The following NFATC1 variants were observed in gnomAD, a reference collection of about 807,000 sequenced individuals.
NFATC1 encodes the protein nuclear factor of activated T-cells, cytoplasmic 1.
NFATC1 carries 22 observed loss-of-function variants against 76.0 expected under a neutral mutation model. That is an observed-to-expected ratio of 0.29 (90% CI 0.21 to 0.41). The LOEUF (loss-of-function observed/expected upper bound fraction) is 0.41. Ranked by LOEUF, NFATC1 falls within the 10% of genes least tolerant of loss-of-function variation. The probability of loss-of-function intolerance (pLI) is 1.00; values close to 1 mark genes in which losing one functional copy is unlikely to be tolerated. For synonymous variants in NFATC1, 704 were observed against 613.1 expected (o/e 1.15, Z -2.19); for missense variants, 1,357 against 1,337.7 (o/e 1.01, Z -0.23).
At chr18:79,512,586 G>A (rs1397087921) in intron 9 of NFATC1, among the ~76,000 whole-genome samples, 2 of 152,208 alleles carry the variant, frequency 1.3e-5, no homozygotes, top group East Asian at 1.9e-4. Flanking sequence ...GCCTGCAGTC[G>A]GCGGGCCCCT....
intron 7 of NFATC1, among the ~76,000 whole-genome samples, chr18:79,466,349 C>T (rs1266627967): frequency 6.6e-6 from 1 of 152,198 alleles, no homozygotes; most frequent in African/African-American, 2.4e-5. Context: ...AAAAATGAAA[C>T]TTTATAGATG....
At chr18:79,520,705 A>ATATGTGTGTC (rs1569052743) in intron 9 of NFATC1, among the ~76,000 whole-genome samples, 1 of 7,216 alleles carries the variant, frequency 1.4e-4, no homozygotes, top group East Asian at 3.8e-3. Context: ...ATCCACTGAT[A>ATATGTGTGTC]TGTGTGTGTG....
intron 8 of NFATC1, among the ~76,000 whole-genome samples, chr18:79,476,264 T>A (rs1388022360): frequency 6.6e-6 from 1 of 152,230 alleles, no homozygotes; most frequent in Non-Finnish European, 1.5e-5. Flanking sequence ...GCGTCGGCCA[T>A]GCTGCTGCCC....
At chr18:79,441,950 C>G (rs2086993231) in intron 3 of NFATC1, among the ~76,000 whole-genome samples, 1 of 152,186 alleles carries the variant, frequency 6.6e-6, no homozygotes, top group Admixed American at 6.5e-5. Context: ...GTGGCCGTCT[C>G]TTCTCTGGGC....
At chr18:79,480,974 C>T (rs2089252052) in intron 8 of NFATC1, among the ~76,000 whole-genome samples, 1 of 152,240 alleles carries the variant, frequency 6.6e-6, no homozygotes, top group African/African-American at 2.4e-5. Flanking sequence ...AATTACCAGC[C>T]TAATTTAGAA....
intron 2 of NFATC1, chr18:79,422,603 C>CAT (rs1555902070): frequency 6.6e-6 from 1 of 152,378 alleles, no homozygotes; most frequent in African/African-American, 2.4e-5. Flanking sequence ...GGGTGTACGG[C>CAT]ATGGGGCCTG....
intron 9 of NFATC1, among the ~76,000 whole-genome samples, chr18:79,520,821 G>GT (rs1569053043): frequency 1.8e-4 from 8 of 43,810 alleles, no homozygotes; most frequent in East Asian, 7.8e-4. Context: ...GTCTGTGTGT[G>GT]GGGGGGGGCA....
intron 9 of NFATC1, among the ~76,000 whole-genome samples, chr18:79,512,810 CTGAGGGCG>C (rs2090289360): frequency 1.3e-5 from 2 of 152,238 alleles, no homozygotes; most frequent in Non-Finnish European, 2.9e-5. Context: ...CAGGGAGGTC[CTGAGGGCG>C]CCTTCTCCAC....
Position 79,452,598 on chromosome 18 carries a change from A to T in NFATC1, c.1903+782A>T, listed in dbSNP as rs564081979. On this transcript the variant is annotated intron_variant, in intron 6 of 9. Coordinates refer to ENST00000427363, the MANE Select transcript of NFATC1 (RefSeq NM_001278669.2). Reference sequence around the variant, plus strand: ...GGGTGGCCTCGCCGGCTCCGAGCAGAGTGTGTGAAGACAGTGGGCTGCACT... The same window carrying T: ...GGGTGGCCTCGCCGGCTCCGAGCAGTGTGTGTGAAGACAGTGGGCTGCACT... 7.2e-5 allele frequency among the ~76,000 whole-genome samples: 11 copies of T among 152,238 alleles called. No individual in the cohort carries two copies. In the South Asian group the frequency reaches 2.3e-3, roughly 32 times the overall value.
intron 9 of NFATC1, among the ~76,000 whole-genome samples, chr18:79,488,263 T>A (rs1235875251): frequency 7.8e-6 from 1 of 127,948 alleles, no homozygotes; most frequent in East Asian, 1.9e-4. Flanking sequence ...TGTGTGTGTT[T>A]GCGGTAGTGT....
At chr18:79,458,979 C>T (rs1242355212) in intron 6 of NFATC1, among the ~76,000 whole-genome samples, 1 of 152,236 alleles carries the variant, frequency 6.6e-6, no homozygotes, top group Non-Finnish European at 1.5e-5. Context: ...AGCCTGCCCT[C>T]ACCCTCACCC....
Position 79,396,257 on chromosome 18 carries a change from G to A in NFATC1, c.33G>A (p.Lys11=). ...GCACCAGCTTTCCAGTCCCTTCCAA[G>A]TTTCCACTTGGCCCTGCGGCTGCGG... MPSTSFPVPS[K]FPLGPAAAVF... is the part of the protein sequence containing the mutation. Residue 11 remains lysine (K), a synonymous_variant, in exon 1 of 10, where the codon AAG becomes AAA. Coordinates refer to ENST00000427363, the MANE Select transcript of NFATC1 (RefSeq NM_001278669.2). The A allele has an allele frequency of 2.7e-6, 4 of 1,492,894 alleles. No individual in the cohort carries two copies. The highest frequency in any genetic ancestry group is 3.6e-6 in the Non-Finnish European group (4 of 1,113,894). 92.5% of individuals were successfully genotyped at this position (1,492,894 alleles called of 1,614,324 possible).
At chr18:79,489,951 C>G (rs1264856304) in intron 9 of NFATC1, among the ~76,000 whole-genome samples, 2 of 152,244 alleles carry the variant, frequency 1.3e-5, no homozygotes, top group African/African-American at 4.8e-5. Context: ...AGACACCTCC[C>G]TATGACATGG....
chr18:79,502,442 A>G (rs1273397044), intron 9 of NFATC1, among the ~76,000 whole-genome samples: 1 of 152,258 alleles, frequency 6.6e-6, no homozygotes, highest in Non-Finnish European at 1.5e-5. Flanking sequence ...TATGACATCA[A>G]AAGCACAGCT....
At chr18:79,490,957 C>G (rs774158588) in intron 9 of NFATC1, among the ~76,000 whole-genome samples, 1 of 152,024 alleles carries the variant, frequency 6.6e-6, no homozygotes, top group Non-Finnish European at 1.5e-5. Context: ...TAAGGTGGAA[C>G]TCTGAGTCCC....
chr18:79,439,348 G>A (rs777763342), intron 3 of NFATC1, among the ~76,000 whole-genome samples: 3 of 152,186 alleles, frequency 2.0e-5, no homozygotes, highest in Non-Finnish European at 4.4e-5. Context: ...CTCCGGCCCC[G>A]CCCCAGGAGC....
At chr18:79,472,086 G>A (rs550437051) in intron 8 of NFATC1, among the ~76,000 whole-genome samples, 5 of 152,292 alleles carry the variant, frequency 3.3e-5, no homozygotes, top group Admixed American at 3.3e-4. Flanking sequence ...AGGGAGCCGG[G>A]GTCCTGTGGC....
intron 2 of NFATC1, among the ~76,000 whole-genome samples, chr18:79,427,467 G>GTC (rs1568948139): frequency 3.0e-5 from 3 of 99,114 alleles, no homozygotes; most frequent in East Asian, 3.0e-4. Context: ...TGCGGTGGGT[G>GTC]GGGGCTGTAC....
intron 9 of NFATC1, among the ~76,000 whole-genome samples, chr18:79,494,637 G>A (rs2089817042): frequency 2.5e-5 from 2 of 79,670 alleles, no homozygotes; most frequent in Admixed American, 1.1e-4. Flanking sequence ...GCGAGAGCGG[G>A]CACACGCCCC....
Sources: gnomAD v4.1 joint callset for allele counts (sites outside exome capture counted in the v4.1 genomes callset) on GRCh38, gnomAD v4.1.1 for gene constraint, MANE v1.5 for transcripts, NCBI Gene and HGNC (gene_info 2026-07-23, HGNC 2026-07-21) for gene names.